USP7: variants seen among roughly 807,000 people sequenced by gnomAD.
USP7 encodes ubiquitin specific peptidase 7, also known as ubiquitin C-terminal hydrolase 7.
In USP7, 9 loss-of-function variants were observed where a neutral mutation model predicts 162.9. That is an observed-to-expected ratio of 0.06 (90% CI 0.03 to 0.10). The LOEUF (loss-of-function observed/expected upper bound fraction) is 0.10, where lower values mean the gene tolerates loss of function less well. USP7 is among the 10% of genes least tolerant of loss of function. USP7 has a pLI of 1.00. For synonymous variants in USP7, 562 were observed against 475.9 expected (o/e 1.18, Z -2.35); for missense variants, 715 against 1,373.7 (o/e 0.52, Z 7.58).
intron 11 of USP7, among the ~76,000 whole-genome samples, chr16:8,908,842 G>A (rs2061899553): frequency 6.6e-6 from 1 of 152,168 alleles, no homozygotes; most frequent in Non-Finnish European, 1.5e-5. Context: ...GAAAACTCTG[G>A]TTACAATTAC....
rs1381903220 is a variant in USP7, at chr16:8,898,656, C to T, written c.2532-17G>A. ...TCCCTATAACTACACAAGAAAACAGCATATAAATAAATGACTTGTTTATTT... is the reference window on the plus strand; with the variant it reads ...TCCCTATAACTACACAAGAAAACAGTATATAAATAAATGACTTGTTTATTT... On this transcript the variant is annotated splice_polypyrimidine_tract_variant and intron_variant, in intron 23 of 30. Transcript: ENST00000344836. 1.3e-6 allele frequency: 2 copies of T among 1,542,000 alleles called. No homozygotes were observed. Among genetic ancestry groups the T allele is most frequent in the East Asian group, 2.3e-5 (1 of 44,326 alleles).
chr16:8,917,390 C>G (rs949629038), intron 6 of USP7, among the ~76,000 whole-genome samples: 1 of 152,196 alleles, frequency 6.6e-6, no homozygotes, highest in Non-Finnish European at 1.5e-5. Context: ...AAAATCACCA[C>G]CCACGTGACA....
Position 8,929,891 on chromosome 16 carries a change from T to C in USP7, c.184+402A>G, listed in dbSNP as rs576338830. ...AGCGGGGAGGGATTCATAGCTATCA[T>C]CAACTGATATACACCCTGCAATGAG... On this transcript the variant is annotated intron_variant, in intron 2 of 30. Coordinates refer to ENST00000344836, the MANE Select transcript of USP7 (RefSeq NM_003470.3). Among the ~76,000 whole-genome samples the C allele has an allele frequency of 3.3e-5, 5 of 152,160 alleles. No homozygotes were observed. The South Asian group carries it at 1.0e-3, about 32-fold the overall frequency.
At position 8,893,853 on chromosome 16, in the gene USP7, C is replaced by T; in HGVS notation, c.*145G>A. Reference sequence around the variant, plus strand: ...AGTCAATAGATACAGAGAAGCCAAACTGAACAGCCTCAATAAAATAAAATT... The same window carrying T: ...AGTCAATAGATACAGAGAAGCCAAATTGAACAGCCTCAATAAAATAAAATT... On this transcript the variant is annotated 3_prime_UTR_variant, in exon 31 of 31. Coordinates refer to ENST00000344836, the MANE Select transcript of USP7 (RefSeq NM_003470.3). 1 of 698,498 alleles carries T rather than the reference C, an allele frequency of 1.4e-6. No individual in the cohort carries two copies. The highest frequency in any genetic ancestry group is 1.8e-5 in the South Asian group (1 of 55,860). 43.3% of individuals were successfully genotyped at this position (698,498 alleles called of 1,614,324 possible). A position where few individuals can be genotyped will look rare whatever the true frequency, so the allele number is the denominator to read the frequency against.
intron 2 of USP7, 76 bp downstream of exon 2, chr16:8,930,206 TGTACCCAAGAA>T (rs1196245097): frequency 6.0e-6 from 6 of 1,004,724 alleles, no homozygotes; most frequent in African/African-American, 1.6e-5. Context: ...TACCCAAGGA[TGTACCCAAGAA>T]GTACCAAGCA....
intron 26 of USP7, 122 bp downstream of exon 26, chr16:8,896,877 C>T (rs1168466896): frequency 3.9e-6 from 3 of 771,600 alleles, no homozygotes; most frequent in Admixed American, 3.8e-5. Context: ...GCACACCCCA[C>T]TGAGTCTGGG....
rs930717668 is a variant in USP7, at chr16:8,927,089, C to T, written c.184+3204G>A. Among the ~76,000 whole-genome samples the T allele has an allele frequency of 1.4e-4, 22 of 152,130 alleles. No homozygotes were observed. The East Asian group carries it at 2.5e-3, about 17-fold the overall frequency. ...CAGCACTCTGGGAGGCCGGGGTGGG[C>T]GAGGCGAATCATGAGGTCAGGAGTG... On this transcript the variant is annotated intron_variant, in intron 2 of 30. Coordinates refer to ENST00000344836, the MANE Select transcript of USP7 (RefSeq NM_003470.3).
rs1188288764 is a variant in USP7, at chr16:8,920,453, A to C, written c.523-6T>G. 6.2e-7 allele frequency: 1 copy of C among 1,604,942 alleles called. No individual in the cohort carries two copies. Among genetic ancestry groups the C allele is most frequent in the African/African-American group, 1.3e-5 (1 of 74,354 alleles). ...TTCTCAGGATCGGTCACTTCCTATA[A>C]AACATAAATAAGAATATCCAGCTTG... On this transcript the variant is annotated splice_region_variant and splice_polypyrimidine_tract_variant and intron_variant, in intron 4 of 30. Transcript: ENST00000344836.
rs139058982 is a variant in USP7, at chr16:8,938,682, G to C, written c.80-8285C>G. Among the ~76,000 whole-genome samples, 371 of 149,432 alleles carry C rather than the reference G, an allele frequency of 2.5e-3. 2 individuals carry two copies. Among genetic ancestry groups the C allele is most frequent in the African/African-American group, 8.7e-3 (348 of 39,822 alleles). ...GCGGAGATCGCACCACTGCACTCCAGCTTGGGTAACACAGCAAGACTCCGT... is the reference window on the plus strand; with the variant it reads ...GCGGAGATCGCACCACTGCACTCCACCTTGGGTAACACAGCAAGACTCCGT... On this transcript the variant is annotated intron_variant, in intron 1 of 30. Coordinates refer to ENST00000344836, the MANE Select transcript of USP7 (RefSeq NM_003470.3).
At chr16:8,895,614 T>A (rs745779620) in intron 27 of USP7, 28 bp downstream of exon 27, 4 of 1,569,304 alleles carry the variant, frequency 2.5e-6, no homozygotes, top group South Asian at 1.1e-5. Flanking sequence ...GAATTCTCTC[T>A]GGTGCCAACA....
intron 1 of USP7, among the ~76,000 whole-genome samples, chr16:8,935,441 C>T (rs1898648881): frequency 6.6e-6 from 1 of 152,128 alleles, no homozygotes; most frequent in Non-Finnish European, 1.5e-5. Context: ...GAACTCCTGA[C>T]CTCAGGTGAT....
At chr16:8,910,993 A>G (rs572975474) in intron 10 of USP7, among the ~76,000 whole-genome samples, 166 bp from the exon 11 acceptor site, 1 of 152,400 alleles carries the variant, frequency 6.6e-6, no homozygotes, top group South Asian at 2.1e-4. Flanking sequence ...ATGTGCTGTT[A>G]GCACCTTTGC....
intron 8 of USP7, among the ~76,000 whole-genome samples, chr16:8,916,064 T>A (rs541995395): frequency 6.6e-6 from 1 of 152,176 alleles, no homozygotes. Flanking sequence ...TAGTGATTAG[T>A]GATGGCGCGG....
At position 8,930,336 on chromosome 16, in the gene USP7, G is replaced by C; in HGVS notation, c.141C>G (p.Ala47=). ...TQNPVINGNV[A]LSDGHNTAEE... ...CCGCGGTGTTGTGTCCATCACTCAG[G>C]GCCACATTCCCATTGATCACAGGGT... The change falls in exon 2 of 31, where the codon GCC becomes GCG. Residue 47 remains alanine, a synonymous_variant. Coordinates refer to ENST00000344836, the MANE Select transcript of USP7 (RefSeq NM_003470.3). 1 of 1,613,354 alleles carries C rather than the reference G, an allele frequency of 6.2e-7. No individual in the cohort carries two copies. Among genetic ancestry groups the C allele is most frequent in the Non-Finnish European group, 8.5e-7 (1 of 1,179,704 alleles).
intron 21 of USP7, 50 bp from the exon 22 acceptor site, chr16:8,899,807 G>A (rs2061745638): frequency 1.2e-6 from 2 of 1,605,664 alleles, no homozygotes; most frequent in Non-Finnish European, 8.5e-7. Context: ...ATGGCAGGGG[G>A]TAGCTGGTAA....
chr16:8,900,168 C>G, intron 21 of USP7: 1 of 338,382 alleles, frequency 3.0e-6, no homozygotes, highest in South Asian at 3.6e-5. Flanking sequence ...GTGTCTAAGA[C>G]CAAAGACTGG....
intron 1 of USP7, among the ~76,000 whole-genome samples, chr16:8,957,883 C>T (rs867098715): frequency 7.2e-5 from 11 of 152,042 alleles, no homozygotes; most frequent in African/African-American, 1.7e-4. Flanking sequence ...GTCTGGAAAA[C>T]GGGCTTTTAC....
chr16:8,896,662 T>C (rs537781481), intron 26 of USP7, among the ~76,000 whole-genome samples: 11 of 152,324 alleles, frequency 7.2e-5, no homozygotes, highest in African/African-American at 2.6e-4. Context: ...CCTTCCTCTG[T>C]TTGGCTTTTC....
Position 8,900,018 on chromosome 16 carries a change from C to A in USP7, c.2310-261G>T, listed in dbSNP as rs1342060074. 4 of 543,614 alleles carry A rather than the reference C, an allele frequency of 7.4e-6. 1 individual carries two copies. The highest frequency in any genetic ancestry group is 1.9e-5 in the African/African-American group (1 of 52,696). The allele number at this position is 543,614 out of a possible 1,614,324, so 33.7% of individuals were successfully genotyped here. On this transcript the variant is annotated intron_variant, in intron 21 of 30. Transcript: ENST00000344836. ...TACAAAACAAAACCCCCTTAGGTAA[C>A]AGCACCTGCTCTCCTCTACAGGAGC...
Sources: allele counts gnomAD v4.1 joint callset (sites outside exome capture counted in the v4.1 genomes callset), GRCh38; gene constraint gnomAD v4.1.1; transcripts MANE v1.5; gene names NCBI Gene and HGNC (gene_info 2026-07-23, HGNC 2026-07-21).